Variants in WWC2 observed in about 807,000 individuals in gnomAD.
WWC2 encodes the protein WW and C2 domain containing 2, also known as protein WWC2.
WWC2 carries 101 observed loss-of-function variants against 138.5 expected under a neutral mutation model. The observed-to-expected ratio is 0.73, with a 90% CI of 0.62 to 0.86. The LOEUF (loss-of-function observed/expected upper bound fraction) is 0.86. Ranked by LOEUF, WWC2 falls within the 40% of genes least tolerant of loss-of-function variation. The pLI is 0.00. For missense variants in WWC2, 1,420 were observed against 1,419.4 expected (o/e 1.00, Z -0.01); for synonymous variants, 558 against 538.4 (o/e 1.04, Z -0.50).
chr4:183,274,220 A>G (rs1289079600), intron 16 of WWC2, among the ~76,000 whole-genome samples: 2 of 152,264 alleles, frequency 1.3e-5, no homozygotes, highest in Non-Finnish European at 2.9e-5. Flanking sequence ...TTGCATTTCC[A>G]TAAGAGTTTT....
intron 1 of WWC2, among the ~76,000 whole-genome samples, chr4:183,101,219 T>C (rs2152885309): frequency 6.6e-6 from 1 of 152,382 alleles, no homozygotes; most frequent in South Asian, 2.1e-4. Context: ...CATGCTTTAC[T>C]ATATTATCTC....
intron 19 of WWC2, 48 bp from the exon 20 acceptor site, chr4:183,285,919 A>G: frequency 1.3e-6 from 2 of 1,509,696 alleles, no homozygotes; most frequent in South Asian, 1.2e-5. Context: ...TTCCACTTGC[A>G]CTCTGTTTGA....
chr4:183,128,661 G>GA (rs1259442399), intron 1 of WWC2, among the ~76,000 whole-genome samples: 1 of 152,050 alleles, frequency 6.6e-6, no homozygotes, highest in African/African-American at 2.4e-5. Flanking sequence ...AGGTAGGTAG[G>GA]GGCCATTTAT....
intron 1 of WWC2, among the ~76,000 whole-genome samples, chr4:183,130,698 C>T (rs954372891): frequency 2.6e-5 from 4 of 152,154 alleles, no homozygotes; most frequent in Non-Finnish European, 2.9e-5. Flanking sequence ...CATTTGTCCA[C>T]GTATTTATTC....
intron 21 of WWC2, among the ~76,000 whole-genome samples, chr4:183,293,570 A>G (rs915480969): frequency 6.6e-6 from 1 of 152,238 alleles, no homozygotes; most frequent in Non-Finnish European, 1.5e-5. Context: ...AAGACATTCA[A>G]TATTCTTCCA....
At chr4:183,257,006 G>A (rs1737172256) in intron 9 of WWC2, among the ~76,000 whole-genome samples, 1 of 151,210 alleles carries the variant, frequency 6.6e-6, no homozygotes, top group African/African-American at 2.4e-5. Context: ...TCATGGTGAA[G>A]CATTGCCAGG....
intron 6 of WWC2, among the ~76,000 whole-genome samples, chr4:183,245,911 A>T (rs371090444): frequency 6.6e-6 from 1 of 152,182 alleles, no homozygotes; most frequent in East Asian, 1.9e-4. Context: ...TACACAAGGG[A>T]TATATCATTT....
At chr4:183,121,171 C>G (rs868101292) in intron 1 of WWC2, among the ~76,000 whole-genome samples, 3 of 150,922 alleles carry the variant, frequency 2.0e-5, no homozygotes, top group African/African-American at 7.3e-5. Flanking sequence ...TACCACTGCA[C>G]TCCATCCTGG....
chr4:183,221,941 T>A (rs1735946470), intron 4 of WWC2, among the ~76,000 whole-genome samples: 7 of 152,176 alleles, frequency 4.6e-5, no homozygotes, highest in Admixed American at 3.9e-4. Context: ...ATACAACGAA[T>A]TCAGTGTAAA....
rs1442052957 is a variant in WWC2, at chr4:183,099,366, C to T, written c.-126C>T. 2.0e-5 allele frequency: 21 copies of T among 1,027,272 alleles called. No homozygotes were observed. The highest frequency in any genetic ancestry group is 1.2e-5 in the Non-Finnish European group (10 of 825,310). The allele number at this position is 1,027,272 out of a possible 1,614,324, so 63.6% of individuals were successfully genotyped here. A position where few individuals can be genotyped will look rare whatever the true frequency, so the allele number is the denominator to read the frequency against. On this transcript the variant is annotated 5_prime_UTR_variant, in exon 1 of 23. Coordinates refer to ENST00000403733, the MANE Select transcript of WWC2 (RefSeq NM_024949.6). ...GCGTGGTTCCGCCGCGCCCCGCGCCCTGCGCCCCTCAGCCCCTCGCCGGCG... is the reference window on the plus strand; with the variant it reads ...GCGTGGTTCCGCCGCGCCCCGCGCCTTGCGCCCCTCAGCCCCTCGCCGGCG...
chr4:183,302,718 A>G (rs1303148773), intron 21 of WWC2, among the ~76,000 whole-genome samples: 1 of 152,124 alleles, frequency 6.6e-6, no homozygotes, highest in Non-Finnish European at 1.5e-5. Context: ...CAACTCACAT[A>G]TTTGTAAGAC....
At chr4:183,285,637 G>T (rs2111066935) in intron 19 of WWC2, among the ~76,000 whole-genome samples, 1 of 152,240 alleles carries the variant, frequency 6.6e-6, no homozygotes, top group East Asian at 1.9e-4. Context: ...GCGTGCGCCT[G>T]TAATCCGAGT....
chr4:183,128,801 A>G lies in WWC2; in HGVS notation c.131+29179A>G, dbSNP rs573207882. 5.3e-5 allele frequency among the ~76,000 whole-genome samples: 8 copies of G among 152,364 alleles called. No homozygotes were observed. In the South Asian group the frequency reaches 1.4e-3, roughly 28 times the overall value. On this transcript the variant is annotated intron_variant, in intron 1 of 22. Coordinates refer to ENST00000403733, the MANE Select transcript of WWC2 (RefSeq NM_024949.6). The stretch of plus-strand genomic sequence containing the variant: ...TGTTTTCAGGATTTTCTACATTGGC[A>G]TTCAGATGTTGCCTCCAAAATAATG...
chr4:183,158,770 TA>T (rs1458505827), intron 1 of WWC2, among the ~76,000 whole-genome samples: 1 of 152,156 alleles, frequency 6.6e-6, no homozygotes, highest in African/African-American at 2.4e-5. Flanking sequence ...TAGAAATACA[TA>T]AACATTCCAG....
chr4:183,131,345 A>T (rs1326426237), intron 1 of WWC2, among the ~76,000 whole-genome samples: 1 of 152,086 alleles, frequency 6.6e-6, no homozygotes, highest in Admixed American at 6.5e-5. Context: ...CTTAGACATG[A>T]TACCAAAGCA....
chr4:183,199,351 A>C (rs1735239178), intron 2 of WWC2, among the ~76,000 whole-genome samples: 1 of 152,196 alleles, frequency 6.6e-6, no homozygotes, highest in Admixed American at 6.5e-5. Context: ...CAGCCAGAAG[A>C]AACGCATTTG....
chr4:183,269,255 A>G (rs1338159970), intron 15 of WWC2, 92 bp downstream of exon 15: 2 of 1,281,510 alleles, frequency 1.6e-6, no homozygotes, highest in Non-Finnish European at 2.2e-6. Context: ...CAGCCCTAGA[A>G]ATCACTACAG....
rs1300998751 is a variant in WWC2, at chr4:183,280,913, C to T, written c.2684+16C>T. ...ATGGAGACTGGTTAAACACTTATTT[C>T]CTTTGCTGTTGGGAGCTCAAAGATG... On this transcript the variant is annotated intron_variant, in intron 17 of 22. Coordinates refer to ENST00000403733, the MANE Select transcript of WWC2 (RefSeq NM_024949.6). 6.5e-7 allele frequency: 1 copy of T among 1,549,172 alleles called. No individual in the cohort carries two copies. The highest frequency in any genetic ancestry group is 1.2e-5 in the South Asian group (1 of 83,342).
intron 20 of WWC2, among the ~76,000 whole-genome samples, chr4:183,287,901 C>T (rs867367851): frequency 3.9e-5 from 6 of 152,156 alleles, no homozygotes; most frequent in Non-Finnish European, 7.4e-5. Flanking sequence ...GGAGTATTTA[C>T]CACATAGAAA....
Sources: allele counts gnomAD v4.1 joint callset (sites outside exome capture counted in the v4.1 genomes callset), GRCh38; gene constraint gnomAD v4.1.1; transcripts MANE v1.5; gene names NCBI Gene and HGNC (gene_info 2026-07-23, HGNC 2026-07-21).